Variants in TBX15 observed in about 807,000 individuals in gnomAD.
The protein encoded by TBX15 is T-box transcription factor 15, also known as T-box transcription factor TBX15.
A neutral mutation model predicts 53.9 loss-of-function variants in TBX15; 18 were observed. That is an observed-to-expected ratio of 0.33 (90% CI 0.23 to 0.49). The LOEUF (loss-of-function observed/expected upper bound fraction) is 0.49, where lower values mean the gene tolerates loss of function less well. TBX15 is among the 20% of genes least tolerant of loss of function. TBX15 has a pLI of 0.98. For synonymous variants in TBX15, 295 were observed against 278.0 expected, an observed-to-expected ratio of 1.06 and a Z score of -0.61; for missense variants, 692 against 749.5, an observed-to-expected ratio of 0.92 and a Z score of 0.90.
At chr1:118,893,300 AG>A (rs1654224256) in intron 7 of TBX15, among the ~76,000 whole-genome samples, 1 of 136,228 alleles carries the variant, frequency 7.3e-6, no homozygotes, top group South Asian at 2.5e-4. Flanking sequence ...GAAGGAAGGA[AG>A]GAAGGAAGGA....
intron 1 of TBX15, among the ~76,000 whole-genome samples, chr1:118,983,714 G>A (rs1364237562): frequency 2.6e-5 from 4 of 152,196 alleles, no homozygotes; most frequent in Admixed American, 1.3e-4. Flanking sequence ...GTGCAGGGGC[G>A]TGCACGGCAG....
intron 1 of TBX15, among the ~76,000 whole-genome samples, chr1:118,941,535 C>T (rs1304070704): frequency 6.6e-6 from 1 of 152,116 alleles, no homozygotes; most frequent in East Asian, 1.9e-4. Context: ...GAAAACCATC[C>T]CGTTTAGTAA....
At chr1:118,895,547 C>G (rs901316230) in intron 7 of TBX15, among the ~76,000 whole-genome samples, 3 of 152,088 alleles carry the variant, frequency 2.0e-5, no homozygotes, top group Admixed American at 1.3e-4. Flanking sequence ...CCTTTTCCTT[C>G]TATGTTTATA....
intron 6 of TBX15, among the ~76,000 whole-genome samples, chr1:118,907,982 TAC>T (rs886882065): frequency 6.6e-6 from 1 of 152,132 alleles, no homozygotes; most frequent in Non-Finnish European, 1.5e-5. Flanking sequence ...GTGTCTAATC[TAC>T]AGTTAGGCTA....
At chr1:118,933,453 C>A (rs1243217622) in intron 1 of TBX15, among the ~76,000 whole-genome samples, 2 of 86,764 alleles carry the variant, frequency 2.3e-5, no homozygotes, top group Non-Finnish European at 5.0e-5. Context: ...CCCCCTCTGC[C>A]CCCCACCCAC....
chr1:118,973,731 A>G (rs1657320092), intron 1 of TBX15, among the ~76,000 whole-genome samples: 2 of 152,172 alleles, frequency 1.3e-5, no homozygotes, highest in Admixed American at 1.3e-4. Context: ...CCAGTTCTCC[A>G]TAACACCCCT....
At chr1:118,900,835 G>A (rs1654605487) in intron 6 of TBX15, among the ~76,000 whole-genome samples, 1 of 152,130 alleles carries the variant, frequency 6.6e-6, no homozygotes, top group Non-Finnish European at 1.5e-5. Context: ...AGGTCTTACT[G>A]CTTTGTTTTG....
At chr1:118,893,306 G>A (rs1251574904) in intron 7 of TBX15, among the ~76,000 whole-genome samples, 5 of 131,222 alleles carry the variant, frequency 3.8e-5, no homozygotes, top group Middle Eastern at 3.8e-3. Context: ...AGGAAGGAAG[G>A]AAGGAAGGAA....
At chr1:118,940,768 T>C (rs1397015132) in intron 1 of TBX15, among the ~76,000 whole-genome samples, 1 of 151,872 alleles carries the variant, frequency 6.6e-6, no homozygotes. Flanking sequence ...CCCCGACTTT[T>C]CTAAAACAGT....
chr1:118,931,774 G>A lies in TBX15; in HGVS notation c.264C>T (p.Ser88=). Reference sequence around the variant, plus strand: ...AGGCCAGGTCAGTGTGAGTACTGAAGGAGCAGGAAGTCCGCTCAGTGAGGA... The same window carrying A: ...AGGCCAGGTCAGTGTGAGTACTGAAAGAGCAGGAAGTCCGCTCAGTGAGGA... ...SEVLTERTSC[S]FSTHTDLASG... The change falls in exon 2 of 8, where the codon TCC becomes TCT. Residue 88 remains serine (S), a synonymous_variant. Coordinates refer to ENST00000369429, the MANE Select transcript of TBX15 (RefSeq NM_001330677.2). The A allele has an allele frequency of 1.9e-6, 3 of 1,610,672 alleles. No individual in the cohort carries two copies. The highest frequency in any genetic ancestry group is 2.5e-6 in the Non-Finnish European group (3 of 1,178,060).
At position 118,987,798 on chromosome 1, in the gene TBX15, T is replaced by C; in HGVS notation, c.-3A>G. 6.5e-7 allele frequency: 1 copy of C among 1,549,382 alleles called. No homozygotes were observed. The highest frequency in any genetic ancestry group is 8.7e-7 in the Non-Finnish European group (1 of 1,146,732). On this transcript the variant is annotated 5_prime_UTR_variant, in exon 1 of 8. Transcript: ENST00000369429. The stretch of plus-strand genomic sequence containing the variant: ...GCAGATCTTCTCCTTTCACTCATTT[T>C]AGCCGCCCACACCCCTGCCTCCGCT...
At chr1:118,983,109 A>T (rs1657700620) in intron 1 of TBX15, among the ~76,000 whole-genome samples, 1 of 152,082 alleles carries the variant, frequency 6.6e-6, no homozygotes. Flanking sequence ...GCAAAAGGAG[A>T]GACCCGCACA....
At position 118,885,038 on chromosome 1, in the gene TBX15, C is replaced by A. The variant is rs201782257; in HGVS notation, c.1503G>T (p.Met501Ile). ...SSPHMFGGSH[M>I]QQSSYNAFSL... is the part of the protein sequence containing the mutation. ...AGAAGGCATTGTAGGAGCTCTGCTGCATGTGGCTGCCCCCGAACATGTGTG... is the reference window on the plus strand; with the variant it reads ...AGAAGGCATTGTAGGAGCTCTGCTGAATGTGGCTGCCCCCGAACATGTGTG... Residue 501 changes from methionine (M) to isoleucine (I), a missense_variant, in exon 8 of 8, where the codon ATG becomes ATT. Met to Ile is a conservative substitution (Grantham distance 10, BLOSUM62 1). Coordinates refer to ENST00000369429, the MANE Select transcript of TBX15 (RefSeq NM_001330677.2). The A allele has an allele frequency of 7.4e-6, 12 of 1,614,142 alleles. No homozygotes were observed. The highest frequency in any genetic ancestry group is 5.3e-5 in the African/African-American group (4 of 75,060).
intron 6 of TBX15, among the ~76,000 whole-genome samples, chr1:118,913,246 C>A (rs1312462585): frequency 6.6e-6 from 1 of 151,470 alleles, no homozygotes; most frequent in Non-Finnish European, 1.5e-5. Flanking sequence ...AAAAAAAAAT[C>A]TATTAAAATA....
In TBX15 at chr1:118,988,340, G is replaced by T. The variant is rs908994803; in HGVS notation, c.-545C>A. 2 of 152,816 alleles carry T rather than the reference G, an allele frequency of 1.3e-5. No individual in the cohort carries two copies. Among genetic ancestry groups the T allele is most frequent in the Non-Finnish European group, 2.9e-5 (2 of 68,622 alleles). The allele number at this position is 152,816 out of a possible 1,614,324, so 9.5% of individuals were successfully genotyped here. A position where few individuals can be genotyped will look rare whatever the true frequency, so the allele number is the denominator to read the frequency against. On this transcript the variant is annotated 5_prime_UTR_variant, in exon 1 of 8. Coordinates refer to ENST00000369429, the MANE Select transcript of TBX15 (RefSeq NM_001330677.2). Reference sequence around the variant, plus strand: ...TGTCCGAGGGGTGAGGGAGAGGGAGGGGGAGGAAGAAAAAGACTGAGGGGG... The same window carrying T: ...TGTCCGAGGGGTGAGGGAGAGGGAGTGGGAGGAAGAAAAAGACTGAGGGGG...
chr1:118,971,134 G>T (rs148560121), intron 1 of TBX15, among the ~76,000 whole-genome samples: 10 of 152,310 alleles, frequency 6.6e-5, no homozygotes, highest in African/African-American at 2.4e-4. Context: ...AGGCAGAGAG[G>T]TTCCCACAAT....
At chr1:118,954,621 T>C (rs1656618144) in intron 1 of TBX15, among the ~76,000 whole-genome samples, 2 of 152,222 alleles carry the variant, frequency 1.3e-5, no homozygotes, top group South Asian at 4.1e-4. Context: ...ATTAACCATA[T>C]GTGTGTGGAG....
intron 6 of TBX15, among the ~76,000 whole-genome samples, chr1:118,908,791 T>C (rs1286010406): frequency 4.6e-5 from 7 of 150,938 alleles, no homozygotes; most frequent in African/African-American, 1.7e-4. Context: ...CACACATATA[T>C]AGGTATACTT....
At chr1:118,939,553 G>A (rs1456379299) in intron 1 of TBX15, among the ~76,000 whole-genome samples, 2 of 151,806 alleles carry the variant, frequency 1.3e-5, no homozygotes, top group South Asian at 2.1e-4. Flanking sequence ...CTAGATGGTG[G>A]AAGAGGGAGG....
Sources: gnomAD v4.1 joint callset for allele counts (sites outside exome capture counted in the v4.1 genomes callset) on GRCh38, gnomAD v4.1.1 for gene constraint, MANE v1.5 for transcripts, NCBI Gene and HGNC (gene_info 2026-07-23, HGNC 2026-07-21) for gene names.